Variants in CLVS2 observed in about 807,000 individuals in gnomAD.
CLVS2 encodes the protein clavesin 2.
In CLVS2, 19 loss-of-function variants were observed where a neutral mutation model predicts 29.0. That is an observed-to-expected ratio of 0.66 (90% confidence interval 0.46 to 0.96). The LOEUF is 0.96. CLVS2 is among the 40% of genes least tolerant of loss of function. The probability of loss-of-function intolerance (pLI) is 0.00; values close to 1 mark genes in which losing one functional copy is unlikely to be tolerated. For missense variants in CLVS2, 294 were observed against 404.1 expected, an observed-to-expected ratio of 0.73 and a Z score of 2.34; for synonymous variants, 161 against 151.3, an observed-to-expected ratio of 1.06 and a Z score of -0.47.
intron 3 of CLVS2, among the ~76,000 whole-genome samples, chr6:123,041,426 C>T (rs1465211698): frequency 2.0e-5 from 3 of 151,794 alleles, no homozygotes; most frequent in African/African-American, 4.8e-5. Context: ...TAGTGTGCAC[C>T]GAGAAGATAT....
At chr6:123,041,262 A>G (rs929378405) in intron 3 of CLVS2, among the ~76,000 whole-genome samples, 7 of 152,210 alleles carry the variant, frequency 4.6e-5, no homozygotes, top group African/African-American at 1.4e-4. Flanking sequence ...TCCAAACTAT[A>G]AATAGTGATT....
At chr6:123,002,524 T>C (rs964184135) in intron 2 of CLVS2, among the ~76,000 whole-genome samples, 1 of 151,972 alleles carries the variant, frequency 6.6e-6, no homozygotes, top group Non-Finnish European at 1.5e-5. Context: ...AGCCATAGAC[T>C]ACACAGATGG....
In CLVS2 at chr6:123,066,487, T is replaced by C. The variant is rs1772857712; in HGVS notation, c.*2726T>C. 1 of 151,806 alleles carries C rather than the reference T, an allele frequency of 6.6e-6. No homozygotes were observed. The highest frequency in any genetic ancestry group is 6.6e-5 in the Admixed American group (1 of 15,184). The allele number at this position is 151,806 out of a possible 1,614,324, so 9.4% of individuals were successfully genotyped here. On this transcript the variant is annotated 3_prime_UTR_variant, in exon 6 of 6. Transcript: ENST00000275162. ...CTTGAAATTTGCGGGCTTCAAAGAA[T>C]TATCGCATTTGACTTGGAATGGTCC...
intron 4 of CLVS2, among the ~76,000 whole-genome samples, chr6:123,054,467 G>T (rs1331161020): frequency 2.6e-5 from 4 of 152,140 alleles, no homozygotes; most frequent in African/African-American, 9.7e-5. Context: ...TGCTGTTTCT[G>T]CTTTTACTCT....
intron 3 of CLVS2, among the ~76,000 whole-genome samples, chr6:123,047,263 T>G (rs9482326): frequency 0.1 from 15,174 of 152,044 alleles, 2,590 homozygotes; most frequent in African/African-American, 0.35. Context: ...TTTTTATTTA[T>G]ACATATTTCA....
Position 123,043,224 on chromosome 6 carries a change from A to T in CLVS2, c.565-5398A>T, listed in dbSNP as rs1393669348. 3.3e-5 allele frequency among the ~76,000 whole-genome samples: 5 copies of T among 152,194 alleles called. No individual in the cohort carries two copies. The South Asian group carries it at 1.0e-3, about 32-fold the overall frequency. On this transcript the variant is annotated intron_variant, in intron 3 of 5. Coordinates refer to ENST00000275162, the MANE Select transcript of CLVS2 (RefSeq NM_001010852.4). ...AAAAAACTTGAGCGCATACATCAAG[A>T]TTCTTAGAGTATTGTGTCTTCCTCT... is the stretch of plus-strand genomic sequence containing the variant.
intron 3 of CLVS2, among the ~76,000 whole-genome samples, chr6:123,035,237 G>GT (rs1436773215): frequency 6.6e-6 from 1 of 151,618 alleles, no homozygotes; most frequent in African/African-American, 2.4e-5. Context: ...CAAGTGAAGG[G>GT]TTTTTTGATT....
chr6:123,040,830 A>C (rs975828832), intron 3 of CLVS2, among the ~76,000 whole-genome samples: 1 of 147,222 alleles, frequency 6.8e-6, no homozygotes, highest in East Asian at 2.2e-4. Flanking sequence ...GTGATAATTA[A>C]GTGGCAAAAG....
intron 3 of CLVS2, among the ~76,000 whole-genome samples, chr6:123,033,189 A>G (rs558868287): frequency 4.9e-4 from 74 of 152,102 alleles, no homozygotes; most frequent in Non-Finnish European, 8.2e-4. Context: ...GGGGGTAAGG[A>G]ATTATTTTAT....
At chr6:123,033,693 A>T (rs1279040914) in intron 3 of CLVS2, among the ~76,000 whole-genome samples, 1 of 152,156 alleles carries the variant, frequency 6.6e-6, no homozygotes, top group African/African-American at 2.4e-5. Flanking sequence ...CATAATCAAA[A>T]AATAAAAAAT....
chr6:123,005,486 G>A (rs1774654164), intron 2 of CLVS2, among the ~76,000 whole-genome samples: 1 of 152,156 alleles, frequency 6.6e-6, no homozygotes, highest in African/African-American at 2.4e-5. Context: ...AAGAGAAATT[G>A]CTGGTGTTAT....
At chr6:123,004,615 A>G (rs915051119) in intron 2 of CLVS2, among the ~76,000 whole-genome samples, 3 of 152,162 alleles carry the variant, frequency 2.0e-5, no homozygotes, top group Non-Finnish European at 4.4e-5. Flanking sequence ...TTATGCTACC[A>G]TGAAAAAGCA....
intron 5 of CLVS2, among the ~76,000 whole-genome samples, chr6:123,062,584 C>T (rs886348765): frequency 2.0e-5 from 3 of 151,832 alleles, no homozygotes; most frequent in Admixed American, 2.0e-4. Flanking sequence ...ATGCTTTCAC[C>T]TTCATTTTCA....
At chr6:123,005,721 T>C (rs566783858) in intron 2 of CLVS2, among the ~76,000 whole-genome samples, 196 of 152,016 alleles carry the variant, frequency 1.3e-3, no homozygotes, top group African/African-American at 4.5e-3. Flanking sequence ...ATCTAAAAAA[T>C]TGAGGGGGCT....
At chr6:123,031,985 TA>T (rs1163764115) in intron 3 of CLVS2, among the ~76,000 whole-genome samples, 9 of 152,268 alleles carry the variant, frequency 5.9e-5, no homozygotes, top group African/African-American at 2.2e-4. Flanking sequence ...TAACTTTTCT[TA>T]ACACTTTTTT....
In CLVS2 at chr6:123,018,685, T is replaced by TA. The variant is rs386408487; in HGVS notation, c.564+7534dup. Among the ~76,000 whole-genome samples, 963 of 143,222 alleles carry TA rather than the reference T, an allele frequency of 6.7e-3. 3 individuals are homozygous for TA. Among genetic ancestry groups the TA allele is most frequent in the Non-Finnish European group, 9.8e-3 (640 of 65,618 alleles). 94.0% of individuals were successfully genotyped at this position (143,222 alleles called of 152,430 possible). ...CTGAATAGCTTTTTTTTTTTTTTTT[T>TA]AAAAAAAAGTGGGCTTGATTTTCTT... On this transcript the variant is annotated intron_variant, in intron 3 of 5. Coordinates refer to ENST00000275162, the MANE Select transcript of CLVS2 (RefSeq NM_001010852.4).
intron 2 of CLVS2, among the ~76,000 whole-genome samples, chr6:122,998,501 A>G (rs1774544704): frequency 6.6e-6 from 1 of 152,190 alleles, no homozygotes; most frequent in South Asian, 2.1e-4. Context: ...TGGGCTGGAT[A>G]AACCAGTAAG....
chr6:123,028,262 A>C (rs1298057394), intron 3 of CLVS2, among the ~76,000 whole-genome samples: 1 of 152,212 alleles, frequency 6.6e-6, no homozygotes, highest in African/African-American at 2.4e-5. Flanking sequence ...TTAGCAGATA[A>C]GCACATGCTA....
intron 4 of CLVS2, among the ~76,000 whole-genome samples, chr6:123,050,472 C>T (rs1225667468): frequency 6.6e-6 from 1 of 152,112 alleles, no homozygotes; most frequent in South Asian, 2.1e-4. Context: ...CCAATTTGCT[C>T]TGAATCACAG....
Sources: gnomAD v4.1 joint callset for allele counts (sites outside exome capture counted in the v4.1 genomes callset) on GRCh38, gnomAD v4.1.1 for gene constraint, MANE v1.5 for transcripts, NCBI Gene and HGNC (gene_info 2026-07-23, HGNC 2026-07-21) for gene names.